MAGEA1: variants seen among roughly 807,000 people sequenced by gnomAD.
MAGEA1 encodes the protein melanoma-associated antigen 1.
For synonymous variants in MAGEA1, 101 were observed against 96.7 expected (o/e 1.04, Z -0.26); for missense variants, 182 against 233.7 (o/e 0.78, Z 1.44).
At position 153,182,922 on chromosome X, in the gene MAGEA1, C is replaced by T. The variant is rs144596051; in HGVS notation, c.533C>T (p.Ser178Phe). 8.3e-7 allele frequency: 1 copy of T among 1,210,180 alleles called. No individual in the cohort carries two copies. The highest frequency in any genetic ancestry group is 1.7e-5 in the African/African-American group (1 of 57,198). The part of the protein sequence containing the change: ...SYVLVTCLGL[S>F]YDGLLGDNQI... ...GTCCTTGTCACCTGCCTAGGTCTCT[C>T]CTATGATGGCCTGCTGGGTGATAAT... Residue 178 changes from serine to phenylalanine, a missense_variant, in exon 3 of 3, where the codon TCC (serine) becomes TTC (phenylalanine). By Grantham distance (155) the Ser-to-Phe change is radical. Transcript: ENST00000356661.
At position 153,182,385 on chromosome X, in the gene MAGEA1, T is replaced by C. The variant is rs782751420; in HGVS notation, c.-5T>C. On this transcript the variant is annotated 5_prime_UTR_variant, in exon 3 of 3. Transcript: ENST00000356661. ...CTCCTGCCTGCTGCCCTGACGAGAGTCATCATGTCTCTTGAGCAGAGGAGT... is the reference window on the plus strand; with the variant it reads ...CTCCTGCCTGCTGCCCTGACGAGAGCCATCATGTCTCTTGAGCAGAGGAGT... 1 of 1,203,607 alleles carries C rather than the reference T, an allele frequency of 8.3e-7. No homozygotes were observed. The highest frequency in any genetic ancestry group is 1.1e-6 in the Non-Finnish European group (1 of 888,714).
chrX:153,182,458 G>C lies in MAGEA1; in HGVS notation c.69G>C (p.Leu23=). 8.3e-7 allele frequency: 1 copy of C among 1,211,230 alleles called. No homozygotes were observed. The highest frequency in any genetic ancestry group is 1.1e-6 in the Non-Finnish European group (1 of 895,218). Residue 23 remains leucine (L), a synonymous_variant, in exon 3 of 3, where the codon CTG becomes CTC. Coordinates refer to ENST00000356661, the MANE Select transcript of MAGEA1 (RefSeq NM_004988.5). ...EEALEAQQEA[L]GLVCVQAATS... ...CCCTTGAGGCCCAACAAGAGGCCCT[G>C]GGCCTGGTGTGTGTGCAGGCTGCCA... is the stretch of plus-strand genomic sequence containing the variant.
At chrX:153,180,296 G>A (rs202080966) in intron 1 of MAGEA1, among the ~76,000 whole-genome samples, 1 of 111,315 alleles carries the variant, frequency 9.0e-6, no homozygotes. Flanking sequence ...GCATCCGCCC[G>A]GCATTAGGGT....
Position 153,182,367 on chromosome X carries a change from C to T in MAGEA1, c.-23C>T. ...GCCCAGCTCCTGCCCACACTCCTGC[C>T]TGCTGCCCTGACGAGAGTCATCATG... On this transcript the variant is annotated 5_prime_UTR_variant, in exon 3 of 3. Coordinates refer to ENST00000356661, the MANE Select transcript of MAGEA1 (RefSeq NM_004988.5). 8.4e-7 allele frequency: 1 copy of T among 1,192,031 alleles called. No homozygotes were observed.
Position 153,183,533 on chromosome X carries a change from A to G in MAGEA1, c.*214A>G. 4.5e-6 allele frequency: 2 copies of G among 441,025 alleles called. No individual in the cohort carries two copies. Among genetic ancestry groups the G allele is most frequent in the South Asian group, 7.0e-5 (2 of 28,483 alleles). 36.3% of individuals were successfully genotyped at this position (441,025 alleles called of 1,213,427 possible). A position where few individuals can be genotyped will look rare whatever the true frequency, so the allele number is the denominator to read the frequency against. On this transcript the variant is annotated 3_prime_UTR_variant, in exon 3 of 3. Transcript: ENST00000356661. The stretch of plus-strand genomic sequence containing the variant: ...GGAATTGTTCAAATGTTTTTTTTTA[A>G]GGGATGGTTGAATGAACTTCAGCAT...
intron 1 of MAGEA1, 128 bp downstream of exon 1, chrX:153,179,493 A>T (rs902791749): frequency 5.6e-5 from 6 of 106,627 alleles, no homozygotes; most frequent in African/African-American, 2.1e-4. Flanking sequence ...CTGCCCCCAG[A>T]CCCCTGCTCC....
chrX:153,180,689 A>G (rs2051488490), intron 1 of MAGEA1, among the ~76,000 whole-genome samples: 1 of 111,815 alleles, frequency 8.9e-6, no homozygotes, highest in Admixed American at 9.4e-5. Context: ...CAGGCCTGCA[A>G]GGCTTACGCG....
At chrX:153,182,069 A>G in intron 1 of MAGEA1, 108 bp from the exon 2 acceptor site, 1 of 343,238 alleles carries the variant, frequency 2.9e-6, no homozygotes. Context: ...CTGCCACAGG[A>G]CACATAGGAC....
At position 153,183,532 on chromosome X, in the gene MAGEA1, A is replaced by G. The variant is rs782748790; in HGVS notation, c.*213A>G. ...TGGAATTGTTCAAATGTTTTTTTTT[A>G]AGGGATGGTTGAATGAACTTCAGCA... On this transcript the variant is annotated 3_prime_UTR_variant, in exon 3 of 3. Coordinates refer to ENST00000356661, the MANE Select transcript of MAGEA1 (RefSeq NM_004988.5). The G allele has an allele frequency of 1.6e-4, 71 of 434,827 alleles. No individual in the cohort carries two copies. The highest frequency in any genetic ancestry group is 1.3e-3 in the Admixed American group (33 of 26,112). 35.8% of individuals were successfully genotyped at this position (434,827 alleles called of 1,213,427 possible).
In MAGEA1 at chrX:153,182,174, CA is replaced by C. The variant is rs782577564; in HGVS notation, c.-138-2del. 4.3e-3 allele frequency: 3,572 copies of C among 830,605 alleles called. 6 individuals are homozygous for C. Among genetic ancestry groups the C allele is most frequent in the Middle Eastern group, 0.012 (39 of 3,126 alleles). The allele number at this position is 830,605 out of a possible 1,213,427, so 68.5% of individuals were successfully genotyped here. On this transcript the variant is annotated splice_acceptor_variant, in intron 1 of 2. Coordinates refer to ENST00000356661, the MANE Select transcript of MAGEA1 (RefSeq NM_004988.5). LOFTEE classifies it low-confidence loss of function (5UTR_SPLICE). ...CTGAGTACCCTCTCACTTCCTCCTT[CA>C]GGTTTTCAGGGGACAGGCCAACCCA...
At chrX:153,180,486 A>T (rs1380237724) in intron 1 of MAGEA1, among the ~76,000 whole-genome samples, 2 of 111,501 alleles carry the variant, frequency 1.8e-5, no homozygotes, top group Non-Finnish European at 3.8e-5. Flanking sequence ...TGACGTCCCC[A>T]TCCAGGGCTG....
chrX:153,182,110 T>C, intron 1 of MAGEA1, 67 bp from the exon 2 acceptor site: 1 of 459,479 alleles, frequency 2.2e-6, no homozygotes, highest in African/African-American at 2.3e-5. Flanking sequence ...CTCCCTACTG[T>C]CAGTCCTGTA....
At chrX:153,180,928 C>T (rs370287606) in intron 1 of MAGEA1, among the ~76,000 whole-genome samples, 247 of 111,419 alleles carry the variant, frequency 2.2e-3, no homozygotes, top group African/African-American at 7.6e-3. Flanking sequence ...GGGATATCCC[C>T]GGCTCAGAAA....
In MAGEA1 at chrX:153,182,355, C is replaced by T; in HGVS notation, c.-35C>T. On this transcript the variant is annotated 5_prime_UTR_variant, in exon 3 of 3. Transcript: ENST00000356661. ...TGGGTCTTCATTGCCCAGCTCCTGC[C>T]CACACTCCTGCCTGCTGCCCTGACG... The T allele has an allele frequency of 4.3e-6, 5 of 1,169,025 alleles. No homozygotes were observed. Among genetic ancestry groups the T allele is most frequent in the Non-Finnish European group, 5.8e-6 (5 of 856,647 alleles).
intron 1 of MAGEA1, among the ~76,000 whole-genome samples, chrX:153,181,785 A>G (rs2051494868): frequency 9.0e-6 from 1 of 111,488 alleles, no homozygotes; most frequent in African/African-American, 3.3e-5. Flanking sequence ...CCTGCCAGGA[A>G]AAATATAAGG....
rs782766872 is a variant in MAGEA1 at position 153,182,767 on chromosome X, A to T, written c.378A>T (p.Ala126=). 6 of 1,210,421 alleles carry T rather than the reference A, an allele frequency of 5.0e-6. No homozygotes were observed. Among genetic ancestry groups the T allele is most frequent in the Non-Finnish European group, 6.7e-6 (6 of 895,333 alleles). The part of the protein sequence containing the change: ...KYRAREPVTK[A]EMLESVIKNY... ...GAGCCAGGGAGCCAGTCACAAAGGC[A>T]GAAATGCTGGAGAGTGTCATCAAAA... The change falls in exon 3 of 3, where the codon GCA becomes GCT. Residue 126 remains alanine (A), a synonymous_variant. Coordinates refer to ENST00000356661, the MANE Select transcript of MAGEA1 (RefSeq NM_004988.5).
At chrX:153,181,483 G>T (rs1199853492) in intron 1 of MAGEA1, among the ~76,000 whole-genome samples, 1 of 111,599 alleles carries the variant, frequency 9.0e-6, no homozygotes, top group African/African-American at 3.3e-5. Context: ...AGGTCCTTCC[G>T]TTATCCTGGG....
intron 1 of MAGEA1, 94 bp from the exon 2 acceptor site, chrX:153,182,083 A>G (rs1352191577): frequency 5.3e-6 from 2 of 377,068 alleles, no homozygotes; most frequent in Non-Finnish European, 4.7e-6. Context: ...ATAGGACTCC[A>G]CAGAGTCTGG....
chrX:153,182,291 G>A, intron 2 of MAGEA1, 34 bp from the exon 3 acceptor site: 1 of 985,992 alleles, frequency 1.0e-6, no homozygotes, highest in Non-Finnish European at 1.4e-6. Context: ...TCAGTTCTCA[G>A]CTGAGGCCTC....
Sources: allele counts gnomAD v4.1 joint callset (sites outside exome capture counted in the v4.1 genomes callset), GRCh38; gene constraint gnomAD v4.1.1; transcripts MANE v1.5; gene names NCBI Gene and HGNC (gene_info 2026-07-23, HGNC 2026-07-21).